The following PARD6G variants were observed in gnomAD, a reference collection of about 807,000 sequenced individuals.
PARD6G encodes the protein partitioning defective 6 homolog gamma.
A neutral mutation model predicts 10.7 loss-of-function variants in PARD6G; 7 were observed. The observed-to-expected ratio is 0.66, with a 90% CI of 0.37 to 1.23. The LOEUF is 1.23. PARD6G is among the 50% of genes most tolerant of loss of function. The pLI is 0.02. For missense variants in PARD6G, 548 were observed against 571.8 expected (o/e 0.96, Z 0.42); for synonymous variants, 287 against 269.4 (o/e 1.07, Z -0.64).
rs1016710434 is a variant in PARD6G at position 80,228,797 on chromosome 18, T to A, written c.72+18480A>T. Among the ~76,000 whole-genome samples, 1 of 152,252 alleles carries A rather than the reference T, an allele frequency of 6.6e-6. No individual in the cohort carries two copies. Among genetic ancestry groups the A allele is most frequent in the African/African-American group, 2.4e-5 (1 of 41,536 alleles). On this transcript the variant is annotated intron_variant, in intron 1 of 2. Coordinates refer to ENST00000353265, the MANE Select transcript of PARD6G (RefSeq NM_032510.4). This position sits in a 1 kb window ranked among gnomAD's most constrained non-coding sequence, Gnocchi z 4.6. Reference sequence around the variant, plus strand: ...CCTACAGGTGAGAACAGTGAACAACTGCAGGTGATCAGAAACAGAGACAGA... The same window carrying A: ...CCTACAGGTGAGAACAGTGAACAACAGCAGGTGATCAGAAACAGAGACAGA...
At chr18:80,221,348 A>G (rs1967226570) in intron 1 of PARD6G, among the ~76,000 whole-genome samples, 1 of 152,206 alleles carries the variant, frequency 6.6e-6, no homozygotes, top group Non-Finnish European at 1.5e-5. Flanking sequence ...CAACATATAA[A>G]AAGGACCACA....
intron 2 of PARD6G, among the ~76,000 whole-genome samples, chr18:80,177,163 TG>T (rs1315565309): frequency 7.0e-5 from 2 of 28,676 alleles, no homozygotes; most frequent in African/African-American, 2.8e-4. Context: ...ACAGCCTAAA[TG>T]GGAAACACAC....
At position 80,167,391 on chromosome 18, in the gene PARD6G, G is replaced by A. The variant is rs554699216; in HGVS notation, c.296-6785C>T. 8.9e-4 allele frequency among the ~76,000 whole-genome samples: 135 copies of A among 152,262 alleles called. 1 individual carries two copies. The highest frequency in any genetic ancestry group is 3.1e-3 in the African/African-American group (128 of 41,522). On this transcript the variant is annotated intron_variant, in intron 2 of 2. Coordinates refer to ENST00000353265, the MANE Select transcript of PARD6G (RefSeq NM_032510.4). ...ATGGGCAGTGCTGAGGACAGGGCAC[G>A]GCTCTTCATGCAGCAGCTCACTCAG...
At chr18:80,203,856 G>T (rs555339431) in intron 1 of PARD6G, among the ~76,000 whole-genome samples, 6 of 152,196 alleles carry the variant, frequency 3.9e-5, no homozygotes, top group African/African-American at 1.4e-4. Context: ...GAAATTGCAA[G>T]AATAAAGGAA....
intron 1 of PARD6G, among the ~76,000 whole-genome samples, chr18:80,237,828 A>G (rs1331544402): frequency 6.6e-6 from 1 of 152,192 alleles, no homozygotes; most frequent in Non-Finnish European, 1.5e-5. Flanking sequence ...AATGGTGATC[A>G]TTAAAAAGTC....
intron 1 of PARD6G, among the ~76,000 whole-genome samples, chr18:80,232,161 G>A (rs1599876011): frequency 6.7e-6 from 1 of 149,152 alleles, no homozygotes; most frequent in East Asian, 2.1e-4. Context: ...ATAAAGAGTG[G>A]TAGGTTCTGC....
chr18:80,203,598 G>C (rs563680954), intron 1 of PARD6G, among the ~76,000 whole-genome samples: 56 of 152,296 alleles, frequency 3.7e-4, no homozygotes, highest in African/African-American at 1.3e-3. Context: ...TGGCATGAAA[G>C]GAGAATCCTT....
intron 2 of PARD6G, among the ~76,000 whole-genome samples, chr18:80,165,727 G>C (rs1269586628): frequency 4.3e-5 from 6 of 139,444 alleles, no homozygotes; most frequent in African/African-American, 1.5e-4. Context: ...TTTAGTAAAG[G>C]TTTGTTTTGA....
At chr18:80,213,047 A>C (rs935052974) in intron 1 of PARD6G, among the ~76,000 whole-genome samples, 15 of 152,124 alleles carry the variant, frequency 9.9e-5, no homozygotes, top group African/African-American at 3.1e-4. Flanking sequence ...TGTTTATATC[A>C]ATCAGCCCAT....
At chr18:80,242,296 G>C (rs1226322260) in intron 1 of PARD6G, among the ~76,000 whole-genome samples, 1 of 152,202 alleles carries the variant, frequency 6.6e-6, no homozygotes, top group East Asian at 1.9e-4. Context: ...ACACACACAG[G>C]TGAGTCAAAC....
In PARD6G at chr18:80,159,460, C is replaced by CAAAGT. The variant is rs2052679318; in HGVS notation, c.*306_*310dup. On this transcript the variant is annotated 3_prime_UTR_variant, in exon 3 of 3. Coordinates refer to ENST00000353265, the MANE Select transcript of PARD6G (RefSeq NM_032510.4). ...TAATTTTAAAGCTTCACTTTAAAAA[C>CAAAGT]AAAGTATTTGTAAAAATTTTAAAAA... is the stretch of plus-strand genomic sequence containing the variant. 3.5e-6 allele frequency: 1 copy of CAAAGT among 287,308 alleles called. No homozygotes were observed. 17.8% of individuals were successfully genotyped at this position (287,308 alleles called of 1,614,324 possible).
chr18:80,157,903 G>A lies in PARD6G; in HGVS notation c.*1868C>T, dbSNP rs2052666234. On this transcript the variant is annotated 3_prime_UTR_variant, in exon 3 of 3. Coordinates refer to ENST00000353265, the MANE Select transcript of PARD6G (RefSeq NM_032510.4). ...CTCTTAGCAGTTCCATGTTCACGAA[G>A]TCAGGACAGTTCTGCCACTGACCAG... 1 of 152,344 alleles carries A rather than the reference G, an allele frequency of 6.6e-6. No individual in the cohort carries two copies. Among genetic ancestry groups the A allele is most frequent in the Non-Finnish European group, 1.5e-5 (1 of 68,038 alleles). The allele number at this position is 152,344 out of a possible 1,614,324, so 9.4% of individuals were successfully genotyped here.
intron 1 of PARD6G, among the ~76,000 whole-genome samples, chr18:80,209,964 TCTA>T (rs1215354419): frequency 3.3e-5 from 5 of 152,236 alleles, no homozygotes; most frequent in Non-Finnish European, 4.4e-5. Flanking sequence ...ATCATATCTA[TCTA>T]TTCCCCCAAC....
In PARD6G at chr18:80,201,711, C is replaced by T. The variant is rs547966472; in HGVS notation, c.295+999G>A. Among the ~76,000 whole-genome samples the T allele has an allele frequency of 1.9e-4, 29 of 152,348 alleles. No individual in the cohort carries two copies. Among genetic ancestry groups the T allele is most frequent in the Non-Finnish European group, 2.9e-4 (20 of 68,030 alleles). ...GAGCAGGGACGAGGAGCTGGCAGCA[C>T]GCTGCTCAGCATCACCCTCACAGAA... On this transcript the variant is annotated intron_variant, in intron 2 of 2. Coordinates refer to ENST00000353265, the MANE Select transcript of PARD6G (RefSeq NM_032510.4). This position sits in a 1 kb window ranked among gnomAD's most constrained non-coding sequence, Gnocchi z 5.9.
At position 80,158,615 on chromosome 18, in the gene PARD6G, G is replaced by T. The variant is rs147589981; in HGVS notation, c.*1156C>A. 1 of 152,210 alleles carries T rather than the reference G, an allele frequency of 6.6e-6. No individual in the cohort carries two copies. Among genetic ancestry groups the T allele is most frequent in the African/African-American group, 2.4e-5 (1 of 41,438 alleles). The allele number at this position is 152,210 out of a possible 1,614,324, so 9.4% of individuals were successfully genotyped here. On this transcript the variant is annotated 3_prime_UTR_variant, in exon 3 of 3. Transcript: ENST00000353265. ...AATCCTAGCATTTTTGGAGGCTGAG[G>T]GGGGACCGTATCACCTGAGGTCAGG...
At position 80,247,423 on chromosome 18, in the gene PARD6G, C is replaced by T; in HGVS notation, c.-75G>A. 1 of 1,272,838 alleles carries T rather than the reference C, an allele frequency of 7.9e-7. No homozygotes were observed. The highest frequency in any genetic ancestry group is 1.6e-5 in the South Asian group (1 of 64,352). 78.8% of individuals were successfully genotyped at this position (1,272,838 alleles called of 1,614,324 possible). ...CAGAAAGACTCCCGGGGGCGGCGCC[C>T]CCAGGCCCCGGCCCCGGCCCCGGCC... On this transcript the variant is annotated 5_prime_UTR_variant, in exon 1 of 3. Coordinates refer to ENST00000353265, the MANE Select transcript of PARD6G (RefSeq NM_032510.4). This position sits in a 1 kb window ranked among gnomAD's most constrained non-coding sequence, Gnocchi z 4.2.
chr18:80,190,305 G>T (rs1966885785), intron 2 of PARD6G, among the ~76,000 whole-genome samples: 1 of 152,210 alleles, frequency 6.6e-6, no homozygotes, highest in East Asian at 1.9e-4. Flanking sequence ...GAACCCACCA[G>T]AGGCCAGAGG....
At chr18:80,233,335 C>T (rs1189996323) in intron 1 of PARD6G, among the ~76,000 whole-genome samples, 2 of 152,194 alleles carry the variant, frequency 1.3e-5, no homozygotes, top group African/African-American at 4.8e-5. Context: ...GCGGGTCTCA[C>T]ACAGGACCCA....
chr18:80,167,408 C>T (rs2052744049), intron 2 of PARD6G, among the ~76,000 whole-genome samples: 1 of 152,172 alleles, frequency 6.6e-6, no homozygotes, highest in South Asian at 2.1e-4. Flanking sequence ...CATGCAGCAG[C>T]TCACTCAGGG....
Sources: allele counts gnomAD v4.1 joint callset (sites outside exome capture counted in the v4.1 genomes callset), GRCh38; gene constraint gnomAD v4.1.1; non-coding constraint Gnocchi (gnomAD v3.1); transcripts MANE v1.5; gene names NCBI Gene and HGNC (gene_info 2026-07-23, HGNC 2026-07-21).